Variants in CERS6 observed in about 807,000 individuals in gnomAD.
The protein encoded by CERS6 is LAG1 homolog, ceramide synthase 6.
Under a neutral mutation model 56.8 loss-of-function variants are expected in CERS6, and 26 were observed. That is an observed-to-expected ratio of 0.46 (90% CI 0.34 to 0.63). The LOEUF (loss-of-function observed/expected upper bound fraction) is 0.63. Among genes scored for constraint, CERS6 ranks in the 30% least tolerant of loss-of-function variants. CERS6 has a pLI of 0.01. For missense variants in CERS6, 415 were observed against 467.5 expected (o/e 0.89, Z 1.04); for synonymous variants, 164 against 173.3 (o/e 0.95, Z 0.42).
At chr2:168,732,564 C>G (rs554901659) in intron 8 of CERS6, among the ~76,000 whole-genome samples, 2 of 152,348 alleles carry the variant, frequency 1.3e-5, no homozygotes, top group African/African-American at 4.8e-5. Flanking sequence ...TTCTCCTGAG[C>G]ACACATACTC....
chr2:168,709,656 T>C (rs1315803506), intron 6 of CERS6, among the ~76,000 whole-genome samples: 1 of 152,128 alleles, frequency 6.6e-6, no homozygotes, highest in East Asian at 1.9e-4. Flanking sequence ...GAAATCACAG[T>C]CTCTCTCTTT....
chr2:168,692,218 T>G (rs1188615304), intron 5 of CERS6, among the ~76,000 whole-genome samples: 2 of 152,204 alleles, frequency 1.3e-5, no homozygotes. Flanking sequence ...CACCAATAGC[T>G]TATTTTACAC....
chr2:168,670,530 C>T (rs1366632150), intron 4 of CERS6, among the ~76,000 whole-genome samples: 1 of 152,134 alleles, frequency 6.6e-6, no homozygotes, highest in African/African-American at 2.4e-5. Context: ...GCAAGTTTAC[C>T]TTTTGTCTTC....
rs373487153 is a variant in CERS6 at position 168,657,801 on chromosome 2, G to C, written c.465+26759G>C. On this transcript the variant is annotated intron_variant, in intron 4 of 9. Transcript: ENST00000305747. The stretch of plus-strand genomic sequence containing the variant: ...GCCCGCAAGCGCCGCACGCAGCCCC[G>C]GTTCCCGCTCGTGCCTCTCCCTCCA... 1.5e-3 allele frequency among the ~76,000 whole-genome samples: 229 copies of C among 152,332 alleles called. 1 individual carries two copies. The highest frequency in any genetic ancestry group is 1.7e-3 in the Non-Finnish European group (119 of 68,020).
At chr2:168,459,310 A>G (rs1324123064) in intron 1 of CERS6, among the ~76,000 whole-genome samples, 2 of 152,258 alleles carry the variant, frequency 1.3e-5, no homozygotes, top group East Asian at 3.8e-4. Flanking sequence ...CTCTACTAAG[A>G]GAAACATCAA....
chr2:168,530,524 T>C (rs1695147884), intron 1 of CERS6, among the ~76,000 whole-genome samples: 2 of 152,244 alleles, frequency 1.3e-5, no homozygotes, highest in Non-Finnish European at 2.9e-5. Flanking sequence ...GATGTTTTTT[T>C]ATATCTGGTT....
At chr2:168,756,581 A>G (rs1684421767) in intron 8 of CERS6, among the ~76,000 whole-genome samples, 1 of 152,250 alleles carries the variant, frequency 6.6e-6, no homozygotes, top group African/African-American at 2.4e-5. Context: ...TATGGCTACC[A>G]GAAACCAGCT....
At chr2:168,626,145 A>G (rs1380733218) in intron 3 of CERS6, among the ~76,000 whole-genome samples, 1 of 151,526 alleles carries the variant, frequency 6.6e-6, no homozygotes, top group Non-Finnish European at 1.5e-5. Context: ...CTCATCAGGG[A>G]AAAAAAAATA....
intron 3 of CERS6, among the ~76,000 whole-genome samples, chr2:168,597,611 C>T (rs1030989111): frequency 2.0e-5 from 3 of 151,996 alleles, no homozygotes; most frequent in Non-Finnish European, 4.4e-5. Flanking sequence ...GGTAGGGTGC[C>T]CTTAGCTATA....
intron 4 of CERS6, among the ~76,000 whole-genome samples, chr2:168,650,082 C>T (rs997271951): frequency 1.3e-5 from 2 of 152,020 alleles, no homozygotes; most frequent in Non-Finnish European, 2.9e-5. Flanking sequence ...AAAACAAACA[C>T]AAAAACAAAG....
chr2:168,675,219 G>A (rs886661637), intron 4 of CERS6, among the ~76,000 whole-genome samples: 4 of 152,028 alleles, frequency 2.6e-5, no homozygotes, highest in East Asian at 1.9e-4. Context: ...TGATCCGCCC[G>A]CCTCAGCCTC....
intron 3 of CERS6, among the ~76,000 whole-genome samples, chr2:168,612,287 GAC>G (rs1426067234): frequency 6.6e-6 from 1 of 152,324 alleles, no homozygotes; most frequent in East Asian, 1.9e-4. Context: ...GAAGATTTAA[GAC>G]ACAGATCTTT....
At chr2:168,500,772 A>G (rs1694565414) in intron 1 of CERS6, among the ~76,000 whole-genome samples, 1 of 152,244 alleles carries the variant, frequency 6.6e-6, no homozygotes, top group Admixed American at 6.5e-5. Context: ...CTGACTTACA[A>G]GAAATGAAAT....
chr2:168,492,148 C>T (rs554839856), intron 1 of CERS6, among the ~76,000 whole-genome samples: 5 of 152,280 alleles, frequency 3.3e-5, no homozygotes, highest in Non-Finnish European at 5.9e-5. Flanking sequence ...AATGGGATTG[C>T]TGGGTCAAAT....
intron 1 of CERS6, among the ~76,000 whole-genome samples, chr2:168,461,481 A>AAT (rs1471046227): frequency 2.0e-5 from 3 of 148,598 alleles, no homozygotes; most frequent in Non-Finnish European, 3.0e-5. Flanking sequence ...AAAAAAAAAA[A>AAT]GTGGTCTGCA....
intron 1 of CERS6, among the ~76,000 whole-genome samples, chr2:168,477,173 CAGAGAGAGAGAGAGAGAGAGAGAGAGAG>C (rs10609883): frequency 3.5e-5 from 4 of 115,454 alleles, no homozygotes; most frequent in Admixed American, 1.8e-4. Flanking sequence ...GAGGGAGAGA[CAGAGAGAGAGAGAGAGAGAGAGAGAGAG>C]AGAGAGAGAG....
chr2:168,486,004 C>T (rs1051745193), intron 1 of CERS6, among the ~76,000 whole-genome samples: 3 of 152,172 alleles, frequency 2.0e-5, no homozygotes, highest in Admixed American at 2.0e-4. Flanking sequence ...CATTGCTTGT[C>T]ATTGTCACCA....
chr2:168,738,788 C>G (rs1160038511), intron 8 of CERS6, among the ~76,000 whole-genome samples: 1 of 152,192 alleles, frequency 6.6e-6, no homozygotes, highest in Non-Finnish European at 1.5e-5. Flanking sequence ...AGCTTGCAAT[C>G]CAGTTCTAAC....
intron 3 of CERS6, among the ~76,000 whole-genome samples, chr2:168,596,891 G>T (rs924095402): frequency 6.6e-6 from 1 of 152,146 alleles, no homozygotes; most frequent in African/African-American, 2.4e-5. Flanking sequence ...TAGAGTTCAT[G>T]AAACTTTTTG....
Sources: gnomAD v4.1 joint callset for allele counts (sites outside exome capture counted in the v4.1 genomes callset) on GRCh38, gnomAD v4.1.1 for gene constraint, MANE v1.5 for transcripts, NCBI Gene and HGNC (gene_info 2026-07-23, HGNC 2026-07-21) for gene names.